CIITA: variants seen among roughly 807,000 people sequenced by gnomAD.
CIITA encodes the protein MHC class II transactivator.
Under a neutral mutation model 115.1 loss-of-function variants are expected in CIITA, and 72 were observed. That is an observed-to-expected ratio of 0.63 (90% confidence interval 0.52 to 0.76). The LOEUF (loss-of-function observed/expected upper bound fraction) is 0.76, where lower values mean the gene tolerates loss of function less well. Ranked by LOEUF, CIITA falls within the 30% of genes least tolerant of loss-of-function variation. The probability of loss-of-function intolerance (pLI) is 0.00; values close to 1 mark genes in which losing one functional copy is unlikely to be tolerated. For synonymous variants in CIITA, 763 were observed against 635.6 expected (o/e 1.20, Z -3.02); for missense variants, 1,617 against 1,463.8 (o/e 1.10, Z -1.71).
At position 10,926,935 on chromosome 16, in the gene CIITA, G is replaced by A. The variant is rs2040554885; in HGVS notation, c.*3080G>A. On this transcript the variant is annotated 3_prime_UTR_variant, in exon 20 of 20. Coordinates refer to ENST00000324288, the MANE Select transcript of CIITA (RefSeq NM_000246.4). ...GTGATGACTGTGTGCCAGACACTGT[G>A]CTAAACTCCTACTCAAGAGGGATAA... The A allele has an allele frequency of 6.6e-6, 1 of 152,256 alleles. No homozygotes were observed. Among genetic ancestry groups the A allele is most frequent in the African/African-American group, 2.4e-5 (1 of 41,468 alleles). The allele number at this position is 152,256 out of a possible 1,614,324, so 9.4% of individuals were successfully genotyped here.
In CIITA at chr16:10,907,562, G is replaced by A. The variant is rs904799202; in HGVS notation, c.2070G>A (p.Met690Ile). The A allele has an allele frequency of 3.7e-6, 6 of 1,614,068 alleles. No individual in the cohort carries two copies. Among genetic ancestry groups the A allele is most frequent in the East Asian group, 2.2e-5 (1 of 44,880 alleles). The change falls in exon 11 of 20, where the codon ATG becomes ATA. Residue 690 changes from methionine to isoleucine, a missense_variant. Physicochemically the swap from Met to Ile is conservative, Grantham distance 10 (BLOSUM62 1). Transcript: ENST00000324288. The surrounding 1 kb of genome is among the most constrained non-coding windows in gnomAD (Gnocchi z 5.0). ...FPSADVRTWA[M>I]AKGLVQHPPR... ...CCGCAGACGTGAGGACCTGGGCGAT[G>A]GCCAAAGGCTTAGTCCAACACCCAC...
At chr16:10,874,254 G>C (rs1396585509), upstream of CIITA, among the ~76,000 whole-genome samples, 1 of 152,188 alleles carries the variant, frequency 6.6e-6, no homozygotes, top group Admixed American at 6.5e-5. Context: ...AAAGTGTTGA[G>C]ATTACAGGCG....
rs564473273 is a variant in CIITA at position 10,901,730 on chromosome 16, C to G, written c.481+172C>G. 161 of 722,722 alleles carry G rather than the reference C, an allele frequency of 2.2e-4. 1 individual carries two copies. The highest frequency in any genetic ancestry group is 3.8e-4 in the Middle Eastern group (1 of 2,664). 44.8% of individuals were successfully genotyped at this position (722,722 alleles called of 1,614,324 possible). A position where few individuals can be genotyped will look rare whatever the true frequency, so the allele number is the denominator to read the frequency against. On this transcript the variant is annotated intron_variant, in intron 6 of 19. Transcript: ENST00000324288. The surrounding 1 kb of genome is among the most constrained non-coding windows in gnomAD (Gnocchi z 6.8). ...CCCTTAGAGTCCTCTAAGGGGCTCA[C>G]GACTGTTTGTGGAAGGTGGTAGGGG... is the stretch of plus-strand genomic sequence containing the variant.
Position 10,941,955 on chromosome 16 carries a change from G to A in CIITA, n.1081G>A. 1 of 1,570,436 alleles carries A rather than the reference G, an allele frequency of 6.4e-7. No homozygotes were observed. The highest frequency in any genetic ancestry group is 8.6e-7 in the Non-Finnish European group (1 of 1,158,874). On this transcript the variant is annotated non_coding_transcript_exon_variant, in exon 2 of 2. Coordinates refer to the CIITA transcript ENST00000573379. This position sits in a 1 kb window ranked among gnomAD's most constrained non-coding sequence, Gnocchi z 6.4. Reference sequence around the variant, plus strand: ...GCAGCAGCGGCGGCGGCACGTAGGGGACCAGGGGGCCCAGTGCGTCCAGGT... The same window carrying A: ...GCAGCAGCGGCGGCGGCACGTAGGGAACCAGGGGGCCCAGTGCGTCCAGGT...
In CIITA at chr16:10,907,236, T is replaced by C. The variant is rs200601676; in HGVS notation, c.1744T>C (p.Phe582Leu). 4 of 1,613,412 alleles carry C rather than the reference T, an allele frequency of 2.5e-6. No homozygotes were observed. Among genetic ancestry groups the C allele is most frequent in the Non-Finnish European group, 3.4e-6 (4 of 1,179,952 alleles). The change falls in exon 11 of 20, where the codon TTT (phenylalanine) becomes CTT (leucine). Residue 582 changes from phenylalanine to leucine, a missense_variant. Coordinates refer to ENST00000324288, the MANE Select transcript of CIITA (RefSeq NM_000246.4). This position sits in a 1 kb window ranked among gnomAD's most constrained non-coding sequence, Gnocchi z 5.0. ...GGCCCAGGCATACGTGATGCGCTAC[T>C]TTGAGAGCTCAGGGATGACAGAGCA... ...EQAQAYVMRY[F>L]ESSGMTEHQD...
At chr16:10,898,520 T>G in intron 3 of CIITA, 150 bp from the exon 4 acceptor site, 1 of 539,120 alleles carries the variant, frequency 1.9e-6, no homozygotes, top group Non-Finnish European at 3.5e-6. Flanking sequence ...TCAGTGTTCA[T>G]TCATTTGTTT....
chr16:10,903,446 G>C (rs1227348791), intron 8 of CIITA, among the ~76,000 whole-genome samples: 2 of 152,164 alleles, frequency 1.3e-5, no homozygotes. Flanking sequence ...AGGAAAATGA[G>C]CACTGACCAC....
At position 10,907,050 on chromosome 16, in the gene CIITA, G is replaced by T. The variant is rs747042657; in HGVS notation, c.1558G>T (p.Ala520Ser). The T allele has an allele frequency of 6.2e-7, 1 of 1,607,282 alleles. No individual in the cohort carries two copies. Among genetic ancestry groups the T allele is most frequent in the Non-Finnish European group, 8.5e-7 (1 of 1,179,960 alleles). ...FLHSTCGPAPAEPCSLRGLLA... is the reference protein window; with the variant it reads ...FLHSTCGPAPSEPCSLRGLLA... Reference sequence around the variant, plus strand: ...GCACAGCACGTGCGGACCGGCACCGGCGGAGCCCTGCTCCCTCCGGGGGCT... The same window carrying T: ...GCACAGCACGTGCGGACCGGCACCGTCGGAGCCCTGCTCCCTCCGGGGGCT... Residue 520 changes from alanine to serine, a missense_variant, in exon 11 of 20, where the codon GCG becomes TCG. By Grantham distance (99) the Ala-to-Ser change is moderately conservative (BLOSUM62 1). Coordinates refer to ENST00000324288, the MANE Select transcript of CIITA (RefSeq NM_000246.4). The surrounding 1 kb of genome is among the most constrained non-coding windows in gnomAD (Gnocchi z 5.0).
chr16:10,921,927 A>G (rs2040292980), intron 16 of CIITA, among the ~76,000 whole-genome samples: 1 of 152,222 alleles, frequency 6.6e-6, no homozygotes, highest in African/African-American at 2.4e-5. Flanking sequence ...GGGGACAGAA[A>G]CTTTGAGCAA....
chr16:10,941,719 T>C lies in CIITA; in HGVS notation n.845T>C. On this transcript the variant is annotated non_coding_transcript_exon_variant, in exon 2 of 2. Coordinates refer to the CIITA transcript ENST00000573379. The surrounding 1 kb of genome is among the most constrained non-coding windows in gnomAD (Gnocchi z 6.4). The stretch of plus-strand genomic sequence containing the variant: ...AAGAGGGGAACAGCAGTCGAGACCC[T>C]ACTCCAAGTACGCATCAAAGACGTC... The C allele has an allele frequency of 6.2e-7, 1 of 1,606,682 alleles. No homozygotes were observed. The highest frequency in any genetic ancestry group is 8.5e-7 in the Non-Finnish European group (1 of 1,176,218).
At position 10,901,221 on chromosome 16, in the gene CIITA, A is replaced by C. The variant is rs57580565; in HGVS notation, c.437-293A>C. ...AAGGCACACAGCTAGGAAGCGGTTC[A>C]AAAGCAGGTTCCTTTGTTTTGTTTT... On this transcript the variant is annotated intron_variant, in intron 5 of 19. Coordinates refer to ENST00000324288, the MANE Select transcript of CIITA (RefSeq NM_000246.4). The surrounding 1 kb of genome is among the most constrained non-coding windows in gnomAD (Gnocchi z 6.8). Among the ~76,000 whole-genome samples, 3,358 of 152,278 alleles carry C rather than the reference A, an allele frequency of 0.022. 120 individuals carry two copies. The highest frequency in any genetic ancestry group is 0.077 in the African/African-American group (3,198 of 41,510).
Position 10,879,387 on chromosome 16 carries a change from G to A in CIITA, c.52+2005G>A, listed in dbSNP as rs923103773. On this transcript the variant is annotated intron_variant, in intron 1 of 19. Transcript: ENST00000324288. The surrounding 1 kb of genome is among the most constrained non-coding windows in gnomAD (Gnocchi z 4.3). ...CGGCCACCCTTGGCCGACTCCGCGC[G>A]CCCGGGATCCTGCAGAGGTGCGCGC... is the stretch of plus-strand genomic sequence containing the variant. Among the ~76,000 whole-genome samples the A allele has an allele frequency of 1.3e-5, 2 of 152,292 alleles. No individual in the cohort carries two copies. The highest frequency in any genetic ancestry group is 1.9e-4 in the East Asian group (1 of 5,176).
intron 11 of CIITA, 94 bp from the exon 12 acceptor site, chr16:10,908,935 T>C (rs747071432): frequency 1.9e-6 from 3 of 1,573,904 alleles, no homozygotes; most frequent in South Asian, 2.2e-5. Context: ...GGAAAGAAAG[T>C]ATTTTAATAG....
chr16:10,887,556 C>T (rs1160669727), intron 1 of CIITA, among the ~76,000 whole-genome samples: 2 of 151,040 alleles, frequency 1.3e-5, no homozygotes, highest in South Asian at 2.1e-4. Context: ...AGTGCAGTGG[C>T]GTGATCTCGG....
intron 11 of CIITA, chr16:10,908,458 C>A: frequency 2.0e-6 from 1 of 500,916 alleles, no homozygotes; most frequent in Non-Finnish European, 3.6e-6. Context: ...TTTCCACCCC[C>A]TGAGCACGCC....
intron 3 of CIITA, among the ~76,000 whole-genome samples, chr16:10,895,973 A>G (rs1210436338): frequency 6.6e-6 from 1 of 151,966 alleles, no homozygotes; most frequent in Admixed American, 6.6e-5. Context: ...CCCCTTCACT[A>G]ATGACCACCA....
At chr16:10,866,304 G>A (rs1202852283) in exon 1 of CIITA, 1 of 568,530 alleles carries the variant, frequency 1.8e-6, no homozygotes, top group Non-Finnish European at 3.4e-6. Context: ...ACAACTTCCA[G>A]GCCATCCTGA....
Position 10,929,260 on chromosome 16 carries a change from G to A in CIITA, c.*5405G>A. The stretch of plus-strand genomic sequence containing the variant: ...TCGCTTTTGCGTGTGTCCGCAGTTT[G>A]AAGTGTCCTCTCCGAAGGTGAAGTG... On this transcript the variant is annotated 3_prime_UTR_variant, in exon 20 of 20. Transcript: ENST00000324288. This position sits in a 1 kb window ranked among gnomAD's most constrained non-coding sequence, Gnocchi z 4.3. The A allele has an allele frequency of 1.0e-6, 1 of 985,722 alleles. No individual in the cohort carries two copies. Among genetic ancestry groups the A allele is most frequent in the African/African-American group, 1.7e-5 (1 of 57,362 alleles). 61.1% of individuals were successfully genotyped at this position (985,722 alleles called of 1,614,324 possible).
rs2041108997 is a variant in CIITA at position 10,941,974 on chromosome 16, T to C, written n.1100T>C. The C allele has an allele frequency of 5.2e-6, 8 of 1,526,586 alleles. No homozygotes were observed. The highest frequency in any genetic ancestry group is 2.8e-5 in the African/African-American group (2 of 70,880). The allele number at this position is 1,526,586 out of a possible 1,614,324, so 94.6% of individuals were successfully genotyped here. On this transcript the variant is annotated non_coding_transcript_exon_variant, in exon 2 of 2. Coordinates refer to the CIITA transcript ENST00000573379. This position sits in a 1 kb window ranked among gnomAD's most constrained non-coding sequence, Gnocchi z 6.4. The stretch of plus-strand genomic sequence containing the variant: ...GTAGGGGACCAGGGGGCCCAGTGCG[T>C]CCAGGTGGGCCGCGACCCGGGCGCC...
Sources: allele counts gnomAD v4.1 joint callset (sites outside exome capture counted in the v4.1 genomes callset), GRCh38; gene constraint gnomAD v4.1.1; non-coding constraint Gnocchi (gnomAD v3.1); transcripts MANE v1.5; gene names NCBI Gene and HGNC (gene_info 2026-07-23, HGNC 2026-07-21).